Variants in DNAJC3 observed in about 807,000 individuals in gnomAD.
The protein encoded by DNAJC3 is dnaJ homolog subfamily C member 3.
DNAJC3 carries 38 observed loss-of-function variants against 68.6 expected under a neutral mutation model. That is an observed-to-expected ratio of 0.55 (90% CI 0.43 to 0.73). DNAJC3 has a LOEUF of 0.73. Ranked by LOEUF, DNAJC3 falls within the 30% of genes least tolerant of loss-of-function variation. The pLI is 0.00. For synonymous variants in DNAJC3, 203 were observed against 204.0 expected (o/e 1.00, Z 0.04); for missense variants, 526 against 591.9 (o/e 0.89, Z 1.16).
At chr13:95,691,203 C>G (rs561023269) in intron 1 of DNAJC3, among the ~76,000 whole-genome samples, 3 of 151,754 alleles carry the variant, frequency 2.0e-5, no homozygotes, top group Non-Finnish European at 4.4e-5. Context: ...CTGACCCCCC[C>G]ACCTCCCTCC....
intron 9 of DNAJC3, among the ~76,000 whole-genome samples, chr13:95,773,002 CCCT>C (rs1409357485): frequency 5.3e-5 from 8 of 151,674 alleles, no homozygotes. Context: ...TCAAAATTGT[CCCT>C]CCTCTATTTT....
intron 2 of DNAJC3, among the ~76,000 whole-genome samples, chr13:95,716,615 G>A (rs1262173323): frequency 1.3e-5 from 2 of 152,110 alleles, no homozygotes; most frequent in Non-Finnish European, 2.9e-5. Context: ...ATAGGGAGCC[G>A]GAAGTGGGGG....
intron 7 of DNAJC3, among the ~76,000 whole-genome samples, chr13:95,762,762 C>T (rs1374346138): frequency 1.3e-5 from 2 of 152,188 alleles, no homozygotes; most frequent in Non-Finnish European, 2.9e-5. Flanking sequence ...GATGCTCTCC[C>T]TCCCCTTGCT....
chr13:95,774,693 C>G (rs1035247255), intron 9 of DNAJC3, among the ~76,000 whole-genome samples: 2 of 152,150 alleles, frequency 1.3e-5, no homozygotes, highest in Non-Finnish European at 2.9e-5. Context: ...CAAGTGTTCT[C>G]CTGATGAATT....
rs183532446 is a variant in DNAJC3, at chr13:95,790,453, A to G, written c.1358-420A>G. ...GAGCCTTAGTGCTAGAATGCTCATT[A>G]GATGCTTGATGAGGTCATTGCCTTA... On this transcript the variant is annotated intron_variant, in intron 11 of 11. Coordinates refer to ENST00000602402, the MANE Select transcript of DNAJC3 (RefSeq NM_006260.5). 1.1e-3 allele frequency among the ~76,000 whole-genome samples: 173 copies of G among 152,324 alleles called. 2 individuals are homozygous for G. The highest frequency in any genetic ancestry group is 1.2e-3 in the East Asian group (6 of 5,192).
intron 2 of DNAJC3, among the ~76,000 whole-genome samples, chr13:95,721,382 T>G (rs1053320576): frequency 2.6e-5 from 4 of 152,214 alleles, no homozygotes; most frequent in African/African-American, 9.6e-5. Flanking sequence ...CATGTGTGTT[T>G]GAATGCATAT....
chr13:95,753,836 T>G (rs1029530060), intron 4 of DNAJC3, among the ~76,000 whole-genome samples: 1 of 152,238 alleles, frequency 6.6e-6, no homozygotes, highest in Admixed American at 6.5e-5. Flanking sequence ...TTGGTATTAT[T>G]ATCCCTCTTT....
chr13:95,684,577 G>T (rs1880020431), intron 1 of DNAJC3, among the ~76,000 whole-genome samples: 1 of 152,228 alleles, frequency 6.6e-6, no homozygotes, highest in Non-Finnish European at 1.5e-5. Context: ...CAGACTGCAT[G>T]AATTTGCATA....
chr13:95,677,316 C>G lies in DNAJC3; in HGVS notation c.61C>G (p.Leu21Val), dbSNP rs1449089653. 1 of 1,599,464 alleles carries G rather than the reference C, an allele frequency of 6.3e-7. No homozygotes were observed. Among genetic ancestry groups the G allele is most frequent in the Non-Finnish European group, 8.5e-7 (1 of 1,174,366 alleles). ...LGSVFPFLLV[L>V]VDLQYEGAEC... Reference sequence around the variant, plus strand: ...CTCGGTATTCCCCTTCCTGCTAGTCCTGGTGGATCTGCAGTACGAAGGTGA... The same window carrying G: ...CTCGGTATTCCCCTTCCTGCTAGTCGTGGTGGATCTGCAGTACGAAGGTGA... The change falls in exon 1 of 12, where the codon CTG becomes GTG. Residue 21 changes from leucine to valine, a missense_variant. Physicochemically the swap from Leu to Val is conservative, Grantham distance 32. Transcript: ENST00000602402.
chr13:95,736,103 C>G (rs1275846613), intron 4 of DNAJC3, among the ~76,000 whole-genome samples: 5 of 152,024 alleles, frequency 3.3e-5, no homozygotes, highest in Non-Finnish European at 5.9e-5. Flanking sequence ...GCTTGTTTTT[C>G]TCAGGTTTGT....
At chr13:95,741,273 GC>G (rs1387436070) in intron 4 of DNAJC3, among the ~76,000 whole-genome samples, 2 of 152,150 alleles carry the variant, frequency 1.3e-5, no homozygotes, top group Non-Finnish European at 2.9e-5. Flanking sequence ...GAGCACTTTG[GC>G]TTTGATTCTT....
chr13:95,775,142 G>A (rs1248814980), intron 9 of DNAJC3, among the ~76,000 whole-genome samples: 1 of 152,146 alleles, frequency 6.6e-6, no homozygotes, highest in Non-Finnish European at 1.5e-5. Flanking sequence ...ATATTGCATT[G>A]TAGTCTTAAA....
intron 11 of DNAJC3, among the ~76,000 whole-genome samples, chr13:95,788,428 A>T (rs942673583): frequency 6.6e-6 from 1 of 152,220 alleles, no homozygotes. Context: ...CTGAGGAAAG[A>T]GCTGCAGGTC....
At chr13:95,787,221 T>G (rs1883628475) in intron 11 of DNAJC3, 66 bp downstream of exon 11, 2 of 1,560,266 alleles carry the variant, frequency 1.3e-6, no homozygotes, top group African/African-American at 1.4e-5. Flanking sequence ...GTGGAACATG[T>G]GGTGGGTTCT....
chr13:95,728,751 T>C (rs1400742655), intron 4 of DNAJC3, among the ~76,000 whole-genome samples: 1 of 152,244 alleles, frequency 6.6e-6, no homozygotes, highest in East Asian at 1.9e-4. Flanking sequence ...GACTGTGTGA[T>C]GATCAAGTCA....
chr13:95,776,584 C>CT (rs1411024899), intron 9 of DNAJC3, among the ~76,000 whole-genome samples: 1 of 152,140 alleles, frequency 6.6e-6, no homozygotes, highest in Non-Finnish European at 1.5e-5. Flanking sequence ...TTGCTGAAAT[C>CT]TTTTTGCGAT....
chr13:95,678,194 TG>T (rs1879816262), intron 1 of DNAJC3, among the ~76,000 whole-genome samples: 1 of 152,234 alleles, frequency 6.6e-6, no homozygotes, highest in African/African-American at 2.4e-5. Flanking sequence ...GCGCGGTTAC[TG>T]TGCGAAATAT....
chr13:95,683,882 G>A (rs994412961), intron 1 of DNAJC3, among the ~76,000 whole-genome samples: 4 of 138,910 alleles, frequency 2.9e-5, no homozygotes, highest in Non-Finnish European at 6.0e-5. Context: ...GAAGTGAGCC[G>A]AGATTGCACC....
At chr13:95,779,005 C>T (rs17885703) in intron 9 of DNAJC3, among the ~76,000 whole-genome samples, 50 of 151,496 alleles carry the variant, frequency 3.3e-4, no homozygotes, top group African/African-American at 1.2e-3. Context: ...GTTTGTTTGC[C>T]TGTATAAATA....
Sources: gnomAD v4.1 joint callset for allele counts (sites outside exome capture counted in the v4.1 genomes callset) on GRCh38, gnomAD v4.1.1 for gene constraint, MANE v1.5 for transcripts, NCBI Gene and HGNC (gene_info 2026-07-23, HGNC 2026-07-21) for gene names.